Variants in NID2 observed in about 807,000 individuals in gnomAD.
NID2 encodes the protein nidogen-2.
In NID2, 83 loss-of-function variants were observed where a neutral mutation model predicts 145.4. The observed-to-expected ratio is 0.57, with a 90% CI of 0.48 to 0.69. NID2 has a LOEUF of 0.69. NID2 is among the 30% of genes least tolerant of loss of function. The pLI is 0.00. For missense variants in NID2, 1,807 were observed against 1,765.7 expected (o/e 1.02, Z -0.42); for synonymous variants, 739 against 701.3 (o/e 1.05, Z -0.85).
At chr14:52,044,682 G>A (rs1016321440) in intron 5 of NID2, among the ~76,000 whole-genome samples, 4 of 152,026 alleles carry the variant, frequency 2.6e-5, no homozygotes, top group African/African-American at 7.3e-5. Flanking sequence ...GTGCCATCTC[G>A]GCTCACTGAA....
Position 52,027,225 on chromosome 14 carries a change from C to T in NID2, c.2650G>A (p.Ala884Thr), listed in dbSNP as rs922365520. The change falls in exon 12 of 22, where the codon GCC becomes ACC. Residue 884 changes from alanine to threonine, a missense_variant. Ala to Thr is a moderately conservative substitution (Grantham distance 58). Transcript: ENST00000216286. ...CCAGTGCACTGGTGCCCATCGCCGG[C>T]ATAACCAGGCAGGCAGGCACAGCTG... ...TFSCACLPGYAGDGHQCTDVD... is the reference protein window; with the variant it reads ...TFSCACLPGYTGDGHQCTDVD... 6.4e-7 allele frequency: 1 copy of T among 1,566,486 alleles called. No individual in the cohort carries two copies. The highest frequency in any genetic ancestry group is 8.6e-7 in the Non-Finnish European group (1 of 1,157,566).
intron 16 of NID2, among the ~76,000 whole-genome samples, chr14:52,013,638 C>T (rs529771647): frequency 6.6e-6 from 1 of 152,128 alleles, no homozygotes; most frequent in South Asian, 2.1e-4. Context: ...TTTGAGAAAA[C>T]CCGCTCCCCA....
intron 1 of NID2, 24 bp downstream of exon 1, chr14:52,068,743 G>A: frequency 6.3e-7 from 1 of 1,582,474 alleles, no homozygotes; most frequent in South Asian, 1.1e-5. Flanking sequence ...TGCGGGAAAA[G>A]TGCCAGGAGG....
At chr14:52,049,416 G>A (rs182774804) in intron 5 of NID2, among the ~76,000 whole-genome samples, 6 of 149,970 alleles carry the variant, frequency 4.0e-5, no homozygotes, top group South Asian at 2.1e-4. Context: ...GCCCTTGGCC[G>A]GCCTGCCCTT....
At chr14:52,040,569 T>C in intron 8 of NID2, 82 bp downstream of exon 8, 2 of 1,181,596 alleles carry the variant, frequency 1.7e-6, no homozygotes, top group Admixed American at 1.7e-5. Context: ...GGACATGCCA[T>C]GTAAGTCATT....
At chr14:52,052,544 C>T (rs1892712694) in intron 5 of NID2, among the ~76,000 whole-genome samples, 1 of 152,192 alleles carries the variant, frequency 6.6e-6, no homozygotes, top group Non-Finnish European at 1.5e-5. Flanking sequence ...CAATGTACTC[C>T]CTCGAATCCT....
intron 18 of NID2, chr14:52,008,885 CT>C (rs998391458): frequency 6.6e-6 from 1 of 152,152 alleles, no homozygotes; most frequent in Non-Finnish European, 1.5e-5. Flanking sequence ...AAGTTAAGCA[CT>C]TTACCTTTTA....
At chr14:52,028,646 C>A in intron 11 of NID2, 76 bp downstream of exon 11, 2 of 1,516,346 alleles carry the variant, frequency 1.3e-6, no homozygotes, top group South Asian at 2.5e-5. Context: ...TAGCAGAAGT[C>A]AAAACACTGA....
At chr14:52,063,292 T>A (rs566752756) in intron 2 of NID2, among the ~76,000 whole-genome samples, 3 of 152,138 alleles carry the variant, frequency 2.0e-5, no homozygotes, top group East Asian at 3.9e-4. Flanking sequence ...GGTTCCCAGC[T>A]CCCCCAGGAT....
At chr14:52,047,982 G>A (rs1892560923) in intron 5 of NID2, among the ~76,000 whole-genome samples, 1 of 151,972 alleles carries the variant, frequency 6.6e-6, no homozygotes, top group South Asian at 2.1e-4. Flanking sequence ...CTCTCTGGGT[G>A]CATCCTAGCA....
chr14:52,056,017 G>T (rs1435642961), intron 3 of NID2, among the ~76,000 whole-genome samples: 1 of 151,914 alleles, frequency 6.6e-6, no homozygotes, highest in Non-Finnish European at 1.5e-5. Context: ...AGGGAAAAAA[G>T]CATAGAAAGA....
rs954101017 is a variant in NID2, at chr14:52,023,457, A to T, written c.2675-3279T>A. On this transcript the variant is annotated intron_variant, in intron 12 of 21. Coordinates refer to ENST00000216286, the MANE Select transcript of NID2 (RefSeq NM_007361.4). ...GTGATAAAGTAAGACCCTGCCTAAA[A>T]AAATAAATAAATAAATAAAAATTAA... is the stretch of plus-strand genomic sequence containing the variant. Among the ~76,000 whole-genome samples, 9 of 152,138 alleles carry T rather than the reference A, an allele frequency of 5.9e-5. 1 individual carries two copies. In the East Asian group the frequency reaches 1.4e-3, roughly 23 times the overall value.
intron 9 of NID2, among the ~76,000 whole-genome samples, chr14:52,031,209 A>C (rs3825595): frequency 0.18 from 27,427 of 152,138 alleles, 3,225 homozygotes; most frequent in East Asian, 0.53. Flanking sequence ...GAATCTATCA[A>C]CTCTGGCACT....
chr14:52,068,451 C>A (rs1418852458), intron 1 of NID2, among the ~76,000 whole-genome samples: 1 of 152,222 alleles, frequency 6.6e-6, no homozygotes, highest in Non-Finnish European at 1.5e-5. Context: ...AGAGGGAACA[C>A]CCCAGCTCCG....
At chr14:52,009,027 T>G (rs571832579) in intron 18 of NID2, 1 of 152,350 alleles carries the variant, frequency 6.6e-6, no homozygotes, top group African/African-American at 2.4e-5. Context: ...GAAAGCACTT[T>G]TTATAAAATA....
Position 52,028,743 on chromosome 14 carries a change from C to G in NID2, c.2509G>C (p.Asp837His). 6.2e-7 allele frequency: 1 copy of G among 1,613,372 alleles called. No individual in the cohort carries two copies. The highest frequency in any genetic ancestry group is 8.5e-7 in the Non-Finnish European group (1 of 1,179,740). ...CECRSGYEFA[D>H]DRHTCILITP... ...TCACAGATGCAAGTATGCCGGTCAT[C>G]TGCAAACTCATAACCACTCCGGCAC... is the stretch of plus-strand genomic sequence containing the variant. The change falls in exon 11 of 22, where the codon GAT (aspartate) becomes CAT (histidine). Residue 837 changes from aspartate to histidine, a missense_variant. Coordinates refer to ENST00000216286, the MANE Select transcript of NID2 (RefSeq NM_007361.4).
At chr14:52,007,062 T>G (rs913581786) in intron 19 of NID2, 6 of 156,546 alleles carry the variant, frequency 3.8e-5, no homozygotes, top group African/African-American at 1.4e-4. Flanking sequence ...TTTAAAATAT[T>G]TTCTAGGTAG....
intron 2 of NID2, among the ~76,000 whole-genome samples, chr14:52,065,051 A>G (rs576246667): frequency 7.2e-5 from 11 of 152,282 alleles, no homozygotes; most frequent in South Asian, 6.2e-4. Flanking sequence ...AGTTCAAGAA[A>G]TCTCAGATTA....
chr14:52,023,997 A>G (rs938412936), intron 12 of NID2, among the ~76,000 whole-genome samples: 3 of 152,238 alleles, frequency 2.0e-5, no homozygotes, highest in Admixed American at 6.5e-5. Flanking sequence ...CATGTACCCT[A>G]TGGAATGCCT....
Sources: allele counts gnomAD v4.1 joint callset (sites outside exome capture counted in the v4.1 genomes callset), GRCh38; gene constraint gnomAD v4.1.1; transcripts MANE v1.5; gene names NCBI Gene and HGNC (gene_info 2026-07-23, HGNC 2026-07-21).